SMC5: variants seen among roughly 807,000 people sequenced by gnomAD.
SMC5 encodes the protein structural maintenance of chromosomes 5.
SMC5 carries 88 observed loss-of-function variants against 148.3 expected under a neutral mutation model. That is an observed-to-expected ratio of 0.59 (90% CI 0.50 to 0.71). SMC5 has a LOEUF of 0.71. Among genes scored for constraint, SMC5 ranks in the 30% least tolerant of loss-of-function variants. The pLI is 0.00. For missense variants in SMC5, 1,142 were observed against 1,298.9 expected, an observed-to-expected ratio of 0.88 and a Z score of 1.86; for synonymous variants, 421 against 432.8, an observed-to-expected ratio of 0.97 and a Z score of 0.34.
At chr9:70,287,822 GAATT>G (rs2034951831) in intron 8 of SMC5, among the ~76,000 whole-genome samples, 1 of 152,058 alleles carries the variant, frequency 6.6e-6, no homozygotes, top group East Asian at 1.9e-4. Flanking sequence ...CTAGTCCTAA[GAATT>G]TCTGGGGTTT....
chr9:70,289,875 ATAT>A (rs61565465), intron 8 of SMC5, among the ~76,000 whole-genome samples: 49 of 149,546 alleles, frequency 3.3e-4, no homozygotes, highest in Admixed American at 1.4e-3. Flanking sequence ...GTTATTTAAA[ATAT>A]TATTATTATT....
At chr9:70,319,936 T>A (rs2035903066) in intron 15 of SMC5, among the ~76,000 whole-genome samples, 1 of 152,224 alleles carries the variant, frequency 6.6e-6, no homozygotes, top group Non-Finnish European at 1.5e-5. Context: ...TTTCTAAAAT[T>A]CAAATTTTCA....
intron 22 of SMC5, among the ~76,000 whole-genome samples, chr9:70,349,130 A>G (rs978778557): frequency 6.6e-6 from 1 of 152,210 alleles, no homozygotes; most frequent in Admixed American, 6.5e-5. Flanking sequence ...GCAGTGGCGC[A>G]ATCTTGGCTC....
At chr9:70,319,833 T>G (rs999898713) in intron 15 of SMC5, among the ~76,000 whole-genome samples, 1 of 152,218 alleles carries the variant, frequency 6.6e-6, no homozygotes, top group Non-Finnish European at 1.5e-5. Flanking sequence ...TATTTTATTA[T>G]GTAATATTTT....
At chr9:70,326,032 TATAAG>T (rs1254506124) in intron 17 of SMC5, among the ~76,000 whole-genome samples, 8 of 152,056 alleles carry the variant, frequency 5.3e-5, no homozygotes, top group African/African-American at 1.7e-4. Flanking sequence ...TATTTACAGA[TATAAG>T]AGACATAAAA....
chr9:70,328,414 T>C (rs2118690451), intron 17 of SMC5, among the ~76,000 whole-genome samples: 1 of 152,138 alleles, frequency 6.6e-6, no homozygotes, highest in East Asian at 1.9e-4. Context: ...AAGGGAGAAA[T>C]CAGCCAAAAC....
chr9:70,344,271 TA>T lies in SMC5; in HGVS notation c.2523+4del. 6.8e-7 allele frequency: 1 copy of T among 1,461,624 alleles called. No individual in the cohort carries two copies. The highest frequency in any genetic ancestry group is 9.1e-7 in the Non-Finnish European group (1 of 1,104,320). The allele number at this position is 1,461,624 out of a possible 1,614,324, so 90.5% of individuals were successfully genotyped here. Reference sequence around the variant, plus strand: ...ACTCTTCCTCAAGAATACCAGACAGTAAGTATAAAAAGTATATAATGCTACA... The same window carrying T: ...ACTCTTCCTCAAGAATACCAGACAGTAGTATAAAAAGTATATAATGCTACA... On this transcript the variant is annotated splice_donor_region_variant and intron_variant, in intron 18 of 24. Transcript: ENST00000361138.
Position 70,344,139 on chromosome 9 carries a change from A to C in SMC5, c.2398-5A>C. The stretch of plus-strand genomic sequence containing the variant: ...TCAAATTTTCAAAATAAATTTTTTT[A>C]ATAGCAACATTTCATTGAATTGGAT... On this transcript the variant is annotated splice_region_variant and splice_polypyrimidine_tract_variant and intron_variant, in intron 17 of 24. Coordinates refer to ENST00000361138, the MANE Select transcript of SMC5 (RefSeq NM_015110.4). 1 of 1,486,180 alleles carries C rather than the reference A, an allele frequency of 6.7e-7. No homozygotes were observed. Among genetic ancestry groups the C allele is most frequent in the Admixed American group, 2.3e-5 (1 of 43,360 alleles). 92.1% of individuals were successfully genotyped at this position (1,486,180 alleles called of 1,614,324 possible). A position where few individuals can be genotyped will look rare whatever the true frequency, so the allele number is the denominator to read the frequency against.
chr9:70,263,231 C>T (rs1257070328), intron 1 of SMC5, among the ~76,000 whole-genome samples: 1 of 152,114 alleles, frequency 6.6e-6, no homozygotes, highest in Non-Finnish European at 1.5e-5. Context: ...TAATAAAGGG[C>T]TCTTTTGAAA....
intron 18 of SMC5, 78 bp from the exon 19 acceptor site, chr9:70,346,527 C>A: frequency 7.2e-7 from 1 of 1,388,726 alleles, no homozygotes. Flanking sequence ...TTTAGTTCTT[C>A]ATAAGTGCAG....
In SMC5 at chr9:70,298,186, G is replaced by A. The variant is rs779223347; in HGVS notation, c.1274G>A (p.Arg425Gln). 8.1e-6 allele frequency: 13 copies of A among 1,613,698 alleles called. No individual in the cohort carries two copies. Among genetic ancestry groups the A allele is most frequent in the East Asian group, 6.7e-5 (3 of 44,868 alleles). Residue 425 changes from arginine to glutamine, a missense_variant, in exon 9 of 25, where the codon CGA (arginine) becomes CAA (glutamine). By Grantham distance (43) the Arg-to-Gln change is conservative. Transcript: ENST00000361138. ...TGTGAAGGCGAAATAATTGATAAGC[G>A]AAGAGAGAGGGAAACTCTAGAGAAG... The part of the protein sequence containing the change: ...ALCEGEIIDK[R>Q]RERETLEKEK...
exon 25 of SMC5, chr9:70,354,870 ATTC>A (rs2036870070): frequency 6.6e-6 from 1 of 152,128 alleles, no homozygotes; most frequent in South Asian, 2.1e-4. Context: ...ATATTTTTAT[ATTC>A]TTTTGGTGTA....
Position 70,352,322 on chromosome 9 carries a change from A to C in SMC5, c.3297A>C (p.Gln1099His), listed in dbSNP as rs775436455. 1.3e-6 allele frequency: 2 copies of C among 1,591,364 alleles called. No individual in the cohort carries two copies. The change falls in exon 25 of 25, where the codon CAA (glutamine) becomes CAC (histidine). Residue 1099 changes from glutamine (Q) to histidine (H), a missense_variant. Around this residue, in one of 5 missense-constraint regions of SMC5, gnomAD observed 63 missense variants for 65.7 expected, o/e 0.96. Coordinates refer to ENST00000361138, the MANE Select transcript of SMC5 (RefSeq NM_015110.4). ...GGCGGCGCCGTATTACATTCACTCA[A>C]CCTTCTTAATAAAAGTAAAGAGAGG... ...QRRRRRITFT[Q>H]PS
chr9:70,307,838 T>C (rs2035547716), intron 11 of SMC5, among the ~76,000 whole-genome samples: 1 of 152,154 alleles, frequency 6.6e-6, no homozygotes. Context: ...GATTGCCCCA[T>C]ATTTGGCCAG....
rs558304548 is a variant in SMC5, at chr9:70,334,645, G to A, written c.2398-9499G>A. On this transcript the variant is annotated intron_variant, in intron 17 of 24. Coordinates refer to ENST00000361138, the MANE Select transcript of SMC5 (RefSeq NM_015110.4). ...AGAGAGTGTGTGTATGTGTGTGTGT[G>A]TATAATGTGACAGAGACTTTATATG... Among the ~76,000 whole-genome samples, 280 of 152,186 alleles carry A rather than the reference G, an allele frequency of 1.8e-3. 2 individuals are homozygous for A. The highest frequency in any genetic ancestry group is 2.3e-3 in the Non-Finnish European group (159 of 67,996).
At chr9:70,303,867 T>G (rs1301439587) in intron 10 of SMC5, among the ~76,000 whole-genome samples, 1 of 152,202 alleles carries the variant, frequency 6.6e-6, no homozygotes, top group Non-Finnish European at 1.5e-5. Flanking sequence ...AAAGCTGATT[T>G]CCATGTTTTG....
chr9:70,259,417 A>C (rs942652045), intron 1 of SMC5, among the ~76,000 whole-genome samples, 154 bp downstream of exon 1: 1 of 152,206 alleles, frequency 6.6e-6, no homozygotes, highest in Non-Finnish European at 1.5e-5. Context: ...GGATTTTCCT[A>C]CGTAGGCTGT....
At chr9:70,329,523 T>A (rs773904912) in intron 17 of SMC5, among the ~76,000 whole-genome samples, 1 of 152,158 alleles carries the variant, frequency 6.6e-6, no homozygotes, top group Non-Finnish European at 1.5e-5. Context: ...TACTCGAGTT[T>A]CCAATAAGTT....
chr9:70,297,925 G>A (rs747035200), intron 8 of SMC5, 41 bp from the exon 9 acceptor site: 5 of 1,577,682 alleles, frequency 3.2e-6, no homozygotes, highest in Non-Finnish European at 4.3e-6. Context: ...TAAACCAAGA[G>A]GAAAACAGTC....
Sources: gnomAD v4.1 joint callset for allele counts (sites outside exome capture counted in the v4.1 genomes callset) on GRCh38, gnomAD v4.1.1 for gene constraint, gnomAD v4.1.1 regional missense constraint, MANE v1.5 for transcripts, NCBI Gene and HGNC (gene_info 2026-07-23, HGNC 2026-07-21) for gene names.